The following EIF2AK4 variants were observed in gnomAD, a reference collection of about 807,000 sequenced individuals.
The protein encoded by EIF2AK4 is eIF-2-alpha kinase GCN2.
A neutral mutation model predicts 211.1 loss-of-function variants in EIF2AK4; 139 were observed. That is an observed-to-expected ratio of 0.66 (90% CI 0.57 to 0.76). The LOEUF is 0.76. Among genes scored for constraint, EIF2AK4 ranks in the 30% least tolerant of loss-of-function variants. EIF2AK4 has a pLI of 0.00. For synonymous variants in EIF2AK4, 710 were observed against 751.3 expected (o/e 0.94, Z 0.90); for missense variants, 1,664 against 2,043.8 (o/e 0.81, Z 3.58).
At chr15:39,985,132 C>A (rs146037681) in intron 13 of EIF2AK4, among the ~76,000 whole-genome samples, 84 of 152,236 alleles carry the variant, frequency 5.5e-4, no homozygotes, top group African/African-American at 2.0e-3. Context: ...GTCATTGGTT[C>A]TGTTTATGTG....
chr15:39,976,993 C>T, intron 12 of EIF2AK4, 149 bp downstream of exon 12: 1 of 1,056,818 alleles, frequency 9.5e-7, no homozygotes, highest in East Asian at 3.2e-5. Flanking sequence ...CTCTGTCACC[C>T]AGGCTGGAGG....
Position 40,001,017 on chromosome 15 carries a change from C to T in EIF2AK4, c.2952C>T (p.His984=), listed in dbSNP as rs372614533. 3.5e-5 allele frequency: 57 copies of T among 1,614,072 alleles called. No individual in the cohort carries two copies. The Admixed American group carries it at 3.8e-4, about 11-fold the overall frequency. ...CAGTCATCTCCTGGCTGTTGAACCA[C>T]GATCCAGCAAAACGGCCCACAGCCA... ...QKSVISWLLN[H]DPAKRPTATE... is the part of the protein sequence containing the mutation. The change falls in exon 21 of 39, where the codon CAC becomes CAT. Residue 984 remains histidine (H), a synonymous_variant. Transcript: ENST00000263791.
rs2035554015 is a variant in EIF2AK4 at position 40,032,253 on chromosome 15, T to C, written c.4728+16T>C. 6.2e-7 allele frequency: 1 copy of C among 1,612,930 alleles called. No homozygotes were observed. The highest frequency in any genetic ancestry group is 8.5e-7 in the Non-Finnish European group (1 of 1,178,852). On this transcript the variant is annotated intron_variant, in intron 36 of 38. Transcript: ENST00000263791. ...AATTCTGGCTGTAAGTGGCTTTCTT[T>C]AGTATTTTGAAGGTGGCTTCTGTCC...
intron 23 of EIF2AK4, among the ~76,000 whole-genome samples, chr15:40,004,022 A>G (rs1459145280): frequency 6.6e-6 from 1 of 152,248 alleles, no homozygotes; most frequent in African/African-American, 2.4e-5. Flanking sequence ...GAAAAGCTGT[A>G]CTGCCTCACC....
rs564994071 is a variant in EIF2AK4, at chr15:40,002,770, C to T, written c.3217C>T (p.Arg1073Cys). Residue 1073 changes from arginine (R) to cysteine (C), a missense_variant, in exon 22 of 39, where the codon CGC becomes TGC. Coordinates refer to ENST00000263791, the MANE Select transcript of EIF2AK4 (RefSeq NM_001013703.4). ...GCAGCATGTGTGTGAAACCATCATCCGCATCTTTAAAAGACATGGTATGTA... is the reference window on the plus strand; with the variant it reads ...GCAGCATGTGTGTGAAACCATCATCTGCATCTTTAAAAGACATGGTATGTA... Reference protein sequence around the residue: ...MQQHVCETIIRIFKRHGAVQL... With the variant: ...MQQHVCETIICIFKRHGAVQL... The T allele has an allele frequency of 1.4e-5, 23 of 1,614,092 alleles. No individual in the cohort carries two copies. In the South Asian group the frequency reaches 1.6e-4, roughly 12 times the overall value.
intron 23 of EIF2AK4, among the ~76,000 whole-genome samples, chr15:40,006,372 T>G (rs1448184410): frequency 6.6e-6 from 1 of 152,228 alleles, no homozygotes; most frequent in Non-Finnish European, 1.5e-5. Flanking sequence ...TGGCTTCTTA[T>G]TCTCTAAATA....
rs1403317242 is a variant in EIF2AK4 at position 40,020,973 on chromosome 15, C to G, written c.4248C>G (p.Thr1416=). The G allele has an allele frequency of 6.2e-7, 1 of 1,613,690 alleles. No homozygotes were observed. Among genetic ancestry groups the G allele is most frequent in the Non-Finnish European group, 8.5e-7 (1 of 1,179,850 alleles). ...QMSMSRAINL[T]QKLWTAGITA... Reference sequence around the variant, plus strand: ...CTATGTCCAGGGCCATCAACCTAACCCAGAAACTCTGGACAGCAGGCATCA... The same window carrying G: ...CTATGTCCAGGGCCATCAACCTAACGCAGAAACTCTGGACAGCAGGCATCA... Residue 1416 remains threonine, a synonymous_variant, in exon 31 of 39, where the codon ACC becomes ACG. Transcript: ENST00000263791.
chr15:40,019,584 T>G (rs759649164), intron 30 of EIF2AK4, among the ~76,000 whole-genome samples: 26 of 152,180 alleles, frequency 1.7e-4, no homozygotes, highest in Non-Finnish European at 3.5e-4. Context: ...ATGAACCTTG[T>G]TGTGGACTGC....
intron 6 of EIF2AK4, among the ~76,000 whole-genome samples, chr15:39,957,172 A>G (rs1401021801): frequency 6.6e-6 from 1 of 152,254 alleles, no homozygotes; most frequent in East Asian, 1.9e-4. Flanking sequence ...AATGATATAA[A>G]TAAGTCTTTT....
intron 7 of EIF2AK4, among the ~76,000 whole-genome samples, chr15:39,963,031 C>T (rs773628038): frequency 4.0e-4 from 61 of 152,254 alleles, no homozygotes; most frequent in Middle Eastern, 3.4e-3. Flanking sequence ...TAAGGAGATA[C>T]AAATAAGCAA....
In EIF2AK4 at chr15:39,964,637, C is replaced by T. The variant is rs949999570; in HGVS notation, c.860-1049C>T. On this transcript the variant is annotated intron_variant, in intron 7 of 38. Transcript: ENST00000263791. ...ATGGGGTAAAGGAGAATAGAGGGAA[C>T]TAAAAGAAAAATAAAACAAGTGGTG... 3.9e-5 allele frequency among the ~76,000 whole-genome samples: 6 copies of T among 152,084 alleles called. No individual in the cohort carries two copies. In the East Asian group the frequency reaches 1.2e-3, roughly 29 times the overall value.
chr15:40,030,004 C>A (rs2035517926), intron 34 of EIF2AK4, among the ~76,000 whole-genome samples: 1 of 152,162 alleles, frequency 6.6e-6, no homozygotes, highest in African/African-American at 2.4e-5. Context: ...CTTTGTGTTG[C>A]CATCAGATTT....
chr15:39,990,377 T>G lies in EIF2AK4; in HGVS notation c.2631T>G (p.Ser877=). Residue 877 remains serine, a splice_region_variant and synonymous_variant, in exon 16 of 39, where the codon TCT becomes TCG. Coordinates refer to ENST00000263791, the MANE Select transcript of EIF2AK4 (RefSeq NM_001013703.4). ...TGGCGACAGACCATCTAGCCTTTTC[T>G]GTAAGTATTTTAAAAATTAGACTGT... ...FGLATDHLAF[S]ADSKQDDQTG... is the part of the protein sequence containing the mutation. 6.2e-7 allele frequency: 1 copy of G among 1,612,982 alleles called. No homozygotes were observed. Among genetic ancestry groups the G allele is most frequent in the Non-Finnish European group, 8.5e-7 (1 of 1,179,188 alleles).
At chr15:40,022,430 T>C (rs1028455835) in intron 31 of EIF2AK4, 89 bp from the exon 32 acceptor site, 11 of 1,097,720 alleles carry the variant, frequency 1.0e-5, no homozygotes, top group Admixed American at 2.1e-5. Context: ...GAGAATATAA[T>C]TGGAAACAGT....
chr15:39,976,857 C>A lies in EIF2AK4; in HGVS notation c.2249+13C>A, dbSNP rs375012738. The A allele has an allele frequency of 1.4e-5, 20 of 1,462,278 alleles. No individual in the cohort carries two copies. The highest frequency in any genetic ancestry group is 1.7e-5 in the Non-Finnish European group (19 of 1,109,380). The allele number at this position is 1,462,278 out of a possible 1,614,324, so 90.6% of individuals were successfully genotyped here. A position where few individuals can be genotyped will look rare whatever the true frequency, so the allele number is the denominator to read the frequency against. On this transcript the variant is annotated intron_variant, in intron 12 of 38. Transcript: ENST00000263791. ...CCCAGTCCTTCCTGTAAGCGCACGG[C>A]GCGGACCAGCTGCCTCTGATGCGCC...
At chr15:39,938,599 A>G (rs1321587781) in intron 1 of EIF2AK4, among the ~76,000 whole-genome samples, 1 of 152,166 alleles carries the variant, frequency 6.6e-6, no homozygotes, top group Non-Finnish European at 1.5e-5. Context: ...AGAGAAAAAA[A>G]TCAAGGCTCA....
At chr15:39,943,882 G>C (rs376595792) in intron 3 of EIF2AK4, among the ~76,000 whole-genome samples, 1 of 152,146 alleles carries the variant, frequency 6.6e-6, no homozygotes. Flanking sequence ...GTGAGCCCAG[G>C]AGTTTGAGGT....
At chr15:39,998,657 C>T in intron 19 of EIF2AK4, 74 bp from the exon 20 acceptor site, 2 of 1,175,046 alleles carry the variant, frequency 1.7e-6, no homozygotes, top group South Asian at 1.4e-5. Context: ...ATTTGATTTT[C>T]TTACTTATGG....
intron 18 of EIF2AK4, among the ~76,000 whole-genome samples, chr15:39,994,123 G>A (rs182065366): frequency 6.6e-6 from 1 of 152,132 alleles, no homozygotes. Flanking sequence ...TCAGTTTGAG[G>A]CATGTTAGTT....
Sources: allele counts gnomAD v4.1 joint callset (sites outside exome capture counted in the v4.1 genomes callset), GRCh38; gene constraint gnomAD v4.1.1; transcripts MANE v1.5; gene names NCBI Gene and HGNC (gene_info 2026-07-23, HGNC 2026-07-21).